The following GPC6 variants were observed in gnomAD, a reference collection of about 807,000 sequenced individuals.
GPC6 encodes the protein glypican 6, also known as glypican-6.
A neutral mutation model predicts 55.2 loss-of-function variants in GPC6; 14 were observed. The ratio of observed to expected loss-of-function variants is 0.25; its 90% CI spans 0.17 to 0.40. The LOEUF (loss-of-function observed/expected upper bound fraction) is 0.40, where lower values mean the gene tolerates loss of function less well. Ranked by LOEUF, GPC6 falls within the 10% of genes least tolerant of loss-of-function variation. The pLI is 1.00. For synonymous variants in GPC6, 278 were observed against 259.6 expected (o/e 1.07, Z -0.68); for missense variants, 641 against 708.5 (o/e 0.90, Z 1.08).
At chr13:94,306,190 C>G (rs1319110656) in intron 6 of GPC6, 67 bp downstream of exon 6, 4 of 1,563,924 alleles carry the variant, frequency 2.6e-6, no homozygotes, top group African/African-American at 1.4e-5. Context: ...TTTGAAACTC[C>G]CAGGAGATTC....
intron 2 of GPC6, among the ~76,000 whole-genome samples, chr13:93,632,328 C>T (rs1879482014): frequency 6.6e-6 from 1 of 151,994 alleles, no homozygotes; most frequent in African/African-American, 2.4e-5. Flanking sequence ...AAGAAGTAGG[C>T]CAGGCACAGT....
At chr13:93,767,259 A>ATGCACCATGAAAAAGCAACAAGTGC (rs1351625675) in intron 2 of GPC6, among the ~76,000 whole-genome samples, 1 of 152,156 alleles carries the variant, frequency 6.6e-6, no homozygotes, top group Non-Finnish European at 1.5e-5. Context: ...TTGCTATTTA[A>ATGCACCATGAAAAAGCAACAAGTGC]TGCACCATGA....
At chr13:93,955,243 GCACACACACACACACACA>G (rs10524254) in intron 3 of GPC6, among the ~76,000 whole-genome samples, 59 of 136,266 alleles carry the variant, frequency 4.3e-4, no homozygotes, top group African/African-American at 1.2e-3. Flanking sequence ...GAATGAACAT[GCACACACACACACACACA>G]CACACACACA....
intron 1 of GPC6, among the ~76,000 whole-genome samples, chr13:93,480,427 T>C (rs1280184608): frequency 1.3e-5 from 2 of 152,214 alleles, no homozygotes; most frequent in Non-Finnish European, 2.9e-5. Context: ...TTTGCTATTT[T>C]ATAAGATGAG....
intron 2 of GPC6, among the ~76,000 whole-genome samples, chr13:93,807,693 A>G (rs568011211): frequency 7.0e-4 from 106 of 152,314 alleles, no homozygotes; most frequent in African/African-American, 2.4e-3. Context: ...AAAACACTCA[A>G]TGCTTGATAG....
At chr13:93,376,365 G>A (rs1246965628) in intron 1 of GPC6, among the ~76,000 whole-genome samples, 5 of 152,008 alleles carry the variant, frequency 3.3e-5, no homozygotes, top group African/African-American at 4.8e-5. Context: ...ACTAGATATC[G>A]AAAATTAATT....
At chr13:93,383,471 C>T (rs1875270748) in intron 1 of GPC6, among the ~76,000 whole-genome samples, 1 of 152,132 alleles carries the variant, frequency 6.6e-6, no homozygotes, top group Admixed American at 6.5e-5. Flanking sequence ...CCGGCCTTGC[C>T]CTCCTAAAAT....
chr13:93,530,710 T>G (rs1881833674), intron 1 of GPC6, among the ~76,000 whole-genome samples: 1 of 152,126 alleles, frequency 6.6e-6, no homozygotes, highest in African/African-American at 2.4e-5. Context: ...TATGTTAAAA[T>G]AAAAATGGTG....
chr13:93,250,927 C>T (rs1307088046), intron 1 of GPC6, among the ~76,000 whole-genome samples: 1 of 152,170 alleles, frequency 6.6e-6, no homozygotes, highest in Non-Finnish European at 1.5e-5. Flanking sequence ...CTGGGGAGGC[C>T]TCACAATCAT....
At chr13:94,156,259 C>G (rs1214828820) in intron 4 of GPC6, among the ~76,000 whole-genome samples, 1 of 152,028 alleles carries the variant, frequency 6.6e-6, no homozygotes, top group East Asian at 1.9e-4. Flanking sequence ...CAGATCAAGA[C>G]AACAGTAGTC....
chr13:94,339,686 T>TAA (rs1368150457), intron 6 of GPC6, among the ~76,000 whole-genome samples: 1 of 150,260 alleles, frequency 6.7e-6, no homozygotes, highest in Non-Finnish European at 1.5e-5. Flanking sequence ...CTAAATTTTC[T>TAA]AAGAGGAATG....
At chr13:93,547,743 T>A (rs1185690282) in intron 2 of GPC6, among the ~76,000 whole-genome samples, 1 of 152,068 alleles carries the variant, frequency 6.6e-6, no homozygotes, top group Non-Finnish European at 1.5e-5. Flanking sequence ...AAAGAGAATC[T>A]AAATGTGATT....
At chr13:93,948,410 A>G (rs1210777114) in intron 3 of GPC6, among the ~76,000 whole-genome samples, 1 of 152,176 alleles carries the variant, frequency 6.6e-6, no homozygotes, top group Non-Finnish European at 1.5e-5. Flanking sequence ...GGGAATGCAC[A>G]CTTGTTCTAC....
chr13:93,916,542 A>T (rs572475431), intron 3 of GPC6, among the ~76,000 whole-genome samples: 1 of 152,302 alleles, frequency 6.6e-6, no homozygotes, highest in East Asian at 1.9e-4. Flanking sequence ...GTACTGTAGG[A>T]ATGCCAGAAA....
intron 1 of GPC6, among the ~76,000 whole-genome samples, chr13:93,519,435 A>C (rs2590538): frequency 0.94 from 143,338 of 152,030 alleles, 68,139 homozygotes; most frequent in East Asian, 1. Flanking sequence ...TTTTCCTAGT[A>C]CAAGGCCAAG....
intron 5 of GPC6, among the ~76,000 whole-genome samples, chr13:94,293,980 AAGCTTACTAC>A (rs1467447449): frequency 6.6e-6 from 1 of 152,200 alleles, no homozygotes; most frequent in Admixed American, 6.5e-5. Flanking sequence ...AGCCCCAACC[AAGCTTACTAC>A]ATTCACCAAT....
intron 2 of GPC6, among the ~76,000 whole-genome samples, chr13:93,716,512 A>AG (rs1215599294): frequency 1.3e-5 from 2 of 151,696 alleles, no homozygotes; most frequent in Non-Finnish European, 3.0e-5. Context: ...ATGTAAAAAA[A>AG]AAGGAAATAG....
At position 93,842,896 on chromosome 13, in the gene GPC6, G is replaced by C. The variant is rs772578921; in HGVS notation, c.711+12351G>C. On this transcript the variant is annotated intron_variant, in intron 3 of 8. Coordinates refer to ENST00000377047, the MANE Select transcript of GPC6 (RefSeq NM_005708.5). ...TGAATTTTTTTGAAGAAGCAGAAAA[G>C]TACAAAGAAGAAAATAAAATATTCT... Among the ~76,000 whole-genome samples, 3 of 152,056 alleles carry C rather than the reference G, an allele frequency of 2.0e-5. No homozygotes were observed. The South Asian group carries it at 6.2e-4, about 32-fold the overall frequency.
intron 1 of GPC6, among the ~76,000 whole-genome samples, chr13:93,276,489 AGAGAGAGTGTGT>A (rs1321081044): frequency 3.1e-4 from 41 of 131,406 alleles, no homozygotes; most frequent in African/African-American, 1.0e-3. Context: ...AGAGAGAGAG[AGAGAGAGTGTGT>A]GTGTGTGTGT....
Sources: gnomAD v4.1 joint callset for allele counts (sites outside exome capture counted in the v4.1 genomes callset) on GRCh38, gnomAD v4.1.1 for gene constraint, MANE v1.5 for transcripts, NCBI Gene and HGNC (gene_info 2026-07-23, HGNC 2026-07-21) for gene names.